Variants in RC3H1 observed in about 807,000 individuals in gnomAD.
RC3H1 encodes the protein ring finger and CCCH-type domains 1, also known as roquin-1.
Under a neutral mutation model 138.2 loss-of-function variants are expected in RC3H1, and 50 were observed. The ratio of observed to expected loss-of-function variants is 0.36; its 90% CI spans 0.29 to 0.46. The LOEUF (loss-of-function observed/expected upper bound fraction) is 0.46, where lower values mean the gene tolerates loss of function less well. Ranked by LOEUF, RC3H1 falls within the 20% of genes least tolerant of loss-of-function variation. RC3H1 has a pLI of 1.00. For missense variants in RC3H1, 1,031 were observed against 1,388.1 expected (o/e 0.74, Z 4.09); for synonymous variants, 462 against 489.1 (o/e 0.94, Z 0.73).
intron 1 of RC3H1, among the ~76,000 whole-genome samples, chr1:174,005,831 T>C (rs904404016): frequency 6.6e-6 from 1 of 152,224 alleles, no homozygotes; most frequent in Non-Finnish European, 1.5e-5. Flanking sequence ...TGAGCCAAAG[T>C]AGCATTACTA....
chr1:173,985,314 G>A (rs912531954), intron 2 of RC3H1, among the ~76,000 whole-genome samples: 5 of 147,890 alleles, frequency 3.4e-5, no homozygotes, highest in African/African-American at 1.3e-4. Context: ...TTTCTCTTTG[G>A]TATATACCTA....
Position 173,964,017 on chromosome 1 carries a change from G to C in RC3H1, c.1787C>G (p.Pro596Arg), listed in dbSNP as rs377503021. The C allele has an allele frequency of 2.5e-6, 4 of 1,614,102 alleles. No individual in the cohort carries two copies. The highest frequency in any genetic ancestry group is 3.4e-6 in the Non-Finnish European group (4 of 1,180,024). ...TTCAAATGGCGGAGCTGCTCCTCGA[G>C]GATCCTGATAATAAACATCCGTCTG... is the stretch of plus-strand genomic sequence containing the variant. Reference protein sequence around the residue: ...AQQTDVYYQDPRGAAPPFEPA... With the variant: ...AQQTDVYYQDRRGAAPPFEPA... The change falls in exon 11 of 20, where the codon CCT becomes CGT. Residue 596 changes from proline (P) to arginine (R), a missense_variant. By Grantham distance (103) the Pro-to-Arg change is moderately radical. Transcript: ENST00000367696.
rs1451514070 is a variant in RC3H1, at chr1:173,965,055, T to C, written c.1400A>G (p.Asn467Ser). ...RPLSASLGQLNEVGLPSAAIL... is the reference protein window; with the variant it reads ...RPLSASLGQLSEVGLPSAAIL... The stretch of plus-strand genomic sequence containing the variant: ...AGCTGCTGAAGGCAGGCCCACCTCA[T>C]TAAGTTGACCCAAAGAGGCACTCAA... The change falls in exon 10 of 20, where the codon AAT becomes AGT. Residue 467 changes from asparagine to serine, a missense_variant. Physicochemically the swap from Asn to Ser is conservative, Grantham distance 46. Coordinates refer to ENST00000367696, the MANE Select transcript of RC3H1 (RefSeq NM_172071.4). The C allele has an allele frequency of 6.2e-7, 1 of 1,614,074 alleles. No homozygotes were observed. The highest frequency in any genetic ancestry group is 1.7e-5 in the Admixed American group (1 of 59,990).
At chr1:173,960,970 G>A (rs1659847076) in intron 13 of RC3H1, 107 bp downstream of exon 13, 1 of 1,108,114 alleles carries the variant, frequency 9.0e-7, no homozygotes, top group South Asian at 1.6e-5. Flanking sequence ...CCTTTCAGAG[G>A]AAAACAGGAA....
chr1:173,995,085 A>G (rs1357273122), intron 1 of RC3H1, among the ~76,000 whole-genome samples: 1 of 152,176 alleles, frequency 6.6e-6, no homozygotes, highest in Non-Finnish European at 1.5e-5. Context: ...TGACCAAATT[A>G]GGGTGGAGCT....
intron 7 of RC3H1, among the ~76,000 whole-genome samples, chr1:173,978,090 A>C (rs1157257158): frequency 6.6e-6 from 1 of 152,216 alleles, no homozygotes; most frequent in Non-Finnish European, 1.5e-5. Context: ...TACTTGAAGG[A>C]ACAAGATATC....
chr1:174,004,932 A>G (rs1661629067), intron 1 of RC3H1, among the ~76,000 whole-genome samples: 1 of 151,364 alleles, frequency 6.6e-6, no homozygotes, highest in Non-Finnish European at 1.5e-5. Context: ...GGGCAGGGGG[A>G]CAGGAGTCAG....
rs368074855 is a variant in RC3H1 at position 173,941,245 on chromosome 1, G to T, written c.3251+20C>A. 6.2e-6 allele frequency: 9 copies of T among 1,445,964 alleles called. No homozygotes were observed. The highest frequency in any genetic ancestry group is 8.8e-6 in the Non-Finnish European group (9 of 1,028,046). The allele number at this position is 1,445,964 out of a possible 1,614,324, so 89.6% of individuals were successfully genotyped here. On this transcript the variant is annotated intron_variant, in intron 19 of 19. Transcript: ENST00000367696. ...TTTGTGTGTAATTTAATATGGCTACGACAATCTCCTTTTCTTTACCTGAAT... is the reference window on the plus strand; with the variant it reads ...TTTGTGTGTAATTTAATATGGCTACTACAATCTCCTTTTCTTTACCTGAAT...
intron 17 of RC3H1, among the ~76,000 whole-genome samples, chr1:173,943,988 G>A (rs772369072): frequency 1.1e-4 from 16 of 151,552 alleles, no homozygotes; most frequent in Non-Finnish European, 1.8e-4. Flanking sequence ...TCAAGACCTC[G>A]CCTCTACAAA....
Position 173,992,780 on chromosome 1 carries a change from G to A in RC3H1, c.206C>T (p.Ala69Val). 2 of 1,613,770 alleles carry A rather than the reference G, an allele frequency of 1.2e-6. No homozygotes were observed. Among genetic ancestry groups the A allele is most frequent in the Non-Finnish European group, 1.7e-6 (2 of 1,179,820 alleles). The change falls in exon 2 of 20, where the codon GCA becomes GTA. Residue 69 changes from alanine (A) to valine (V), a missense_variant. Transcript: ENST00000367696. ...TDIELLPVNS[A>V]LLQLVGAQVP... ...CTGAGCACCCACGAGCTGCAGCAAT[G>A]CTGAGTTCACAGGGAGGAGCTCAAT...
intron 9 of RC3H1, among the ~76,000 whole-genome samples, chr1:173,969,098 C>T (rs191733760): frequency 0.013 from 1,987 of 151,818 alleles, 26 homozygotes; most frequent in South Asian, 0.031. Flanking sequence ...ACCTTGTGAT[C>T]CGCCCGCTTC....
rs549869327 is a variant in RC3H1 at position 173,990,577 on chromosome 1, T to A, written c.231+2178A>T. ...TAAGAAAAGTATTATTATTATTATT[T>A]ATTTTTTTTTTTTGAGACAGAGTGT... is the stretch of plus-strand genomic sequence containing the variant. On this transcript the variant is annotated intron_variant, in intron 2 of 19. Coordinates refer to ENST00000367696, the MANE Select transcript of RC3H1 (RefSeq NM_172071.4). Among the ~76,000 whole-genome samples, 504 of 140,776 alleles carry A rather than the reference T, an allele frequency of 3.6e-3. 13 individuals are homozygous for A. In the East Asian group the frequency reaches 0.068, roughly 19 times the overall value. The allele number at this position is 140,776 out of a possible 152,430, so 92.4% of individuals were successfully genotyped here.
chr1:173,971,904 T>G (rs1255913326), intron 8 of RC3H1, among the ~76,000 whole-genome samples: 5 of 152,160 alleles, frequency 3.3e-5, no homozygotes, highest in Admixed American at 3.3e-4. Flanking sequence ...AAATAAAAGA[T>G]CTAATGAACC....
intron 7 of RC3H1, among the ~76,000 whole-genome samples, chr1:173,975,621 G>A (rs894497026): frequency 8.9e-6 from 1 of 112,520 alleles, no homozygotes. Flanking sequence ...AAATTTGGCC[G>A]GGCGCGGTGG....
chr1:173,956,139 A>G (rs1448342745), intron 13 of RC3H1, among the ~76,000 whole-genome samples: 1 of 151,026 alleles, frequency 6.6e-6, no homozygotes, highest in Non-Finnish European at 1.5e-5. Context: ...TCAAAAAAAA[A>G]AAAAAAGAAA....
intron 2 of RC3H1, among the ~76,000 whole-genome samples, chr1:173,991,038 T>C (rs916711381): frequency 2.0e-5 from 3 of 152,166 alleles, no homozygotes; most frequent in Non-Finnish European, 4.4e-5. Flanking sequence ...GAGACCAGCA[T>C]AGCCAACATG....
At chr1:174,017,314 C>CAA (rs1161530336) in intron 1 of RC3H1, among the ~76,000 whole-genome samples, 8 of 152,132 alleles carry the variant, frequency 5.3e-5, no homozygotes, top group Non-Finnish European at 1.2e-4. Flanking sequence ...AGAGTTTGAG[C>CAA]AAAACCCTCT....
chr1:173,949,472 A>G (rs915247360), intron 14 of RC3H1, among the ~76,000 whole-genome samples: 5 of 151,562 alleles, frequency 3.3e-5, no homozygotes, highest in Non-Finnish European at 4.4e-5. Flanking sequence ...AGGTTCAAGC[A>G]ATTCTCCTGC....
chr1:173,941,775 T>C (rs993705472), intron 18 of RC3H1, among the ~76,000 whole-genome samples: 7 of 150,824 alleles, frequency 4.6e-5, no homozygotes, highest in Non-Finnish European at 8.9e-5. Flanking sequence ...CTACTAAAAA[T>C]ACAAAAATCA....
Sources: allele counts gnomAD v4.1 joint callset (sites outside exome capture counted in the v4.1 genomes callset), GRCh38; gene constraint gnomAD v4.1.1; transcripts MANE v1.5; gene names NCBI Gene and HGNC (gene_info 2026-07-23, HGNC 2026-07-21).